Variants in CCBE1 observed in about 807,000 individuals in gnomAD.
The protein encoded by CCBE1 is collagen and calcium binding EGF domains 1.
Under a neutral mutation model 50.0 loss-of-function variants are expected in CCBE1, and 37 were observed. The observed-to-expected ratio is 0.74, with a 90% confidence interval of 0.57 to 0.97. CCBE1 has a LOEUF of 0.97. Among genes scored for constraint, CCBE1 ranks in the 50% least tolerant of loss-of-function variants. The pLI is 0.00. For synonymous variants in CCBE1, 234 were observed against 203.7 expected (o/e 1.15, Z -1.27); for missense variants, 538 against 523.8 (o/e 1.03, Z -0.26).
At chr18:59,598,306 G>A (rs561784077) in intron 2 of CCBE1, among the ~76,000 whole-genome samples, 1 of 152,300 alleles carries the variant, frequency 6.6e-6, no homozygotes, top group African/African-American at 2.4e-5. Flanking sequence ...GATACAGAAA[G>A]TCGCCCCCTC....
intron 2 of CCBE1, among the ~76,000 whole-genome samples, chr18:59,672,011 A>G (rs1269527321): frequency 6.6e-6 from 1 of 152,204 alleles, no homozygotes; most frequent in Non-Finnish European, 1.5e-5. Context: ...GACTTCAGCC[A>G]TGGACGTGGA....
chr18:59,507,414 C>T (rs1020346010), intron 2 of CCBE1, among the ~76,000 whole-genome samples: 17 of 152,362 alleles, frequency 1.1e-4, no homozygotes, highest in Middle Eastern at 6.8e-3. Context: ...GCTCTCCCAA[C>T]TTTGCCATAG....
intron 2 of CCBE1, among the ~76,000 whole-genome samples, chr18:59,678,662 A>G (rs1304532007): frequency 7.1e-6 from 1 of 139,886 alleles, no homozygotes; most frequent in Non-Finnish European, 1.5e-5. Flanking sequence ...CCTCCTGAGT[A>G]ACAGGGATTA....
At chr18:59,485,625 T>TA (rs397953559) in intron 2 of CCBE1, among the ~76,000 whole-genome samples, 3 of 150,380 alleles carry the variant, frequency 2.0e-5, no homozygotes, top group East Asian at 1.9e-4. Context: ...TTTATTTATT[T>TA]TTTGAGATGG....
chr18:59,621,280 G>A (rs892254427), intron 2 of CCBE1, among the ~76,000 whole-genome samples: 1 of 152,168 alleles, frequency 6.6e-6, no homozygotes, highest in Non-Finnish European at 1.5e-5. Context: ...TCAGCAGATG[G>A]GCAGGTGGAC....
chr18:59,547,626 A>G (rs34879026), intron 2 of CCBE1, among the ~76,000 whole-genome samples: 2,329 of 152,322 alleles, frequency 0.015, 30 homozygotes, highest in Middle Eastern at 0.075. Context: ...ACACCTGATA[A>G]AGATTTCAAC....
In CCBE1 at chr18:59,555,052, T is replaced by G. The variant is rs1599008877; in HGVS notation, c.213-74814A>C. ...CTCATTCTAACATTCATTGTATTCTTCCCCCAACAACTTGCTAGACAGGCA... is the reference window on the plus strand; with the variant it reads ...CTCATTCTAACATTCATTGTATTCTGCCCCCAACAACTTGCTAGACAGGCA... On this transcript the variant is annotated intron_variant, in intron 2 of 10. Coordinates refer to ENST00000439986, the MANE Select transcript of CCBE1 (RefSeq NM_133459.4). Among the ~76,000 whole-genome samples, 2 of 152,180 alleles carry G rather than the reference T, an allele frequency of 1.3e-5. 1 individual carries two copies. Among genetic ancestry groups the G allele is most frequent in the South Asian group, 4.1e-4 (2 of 4,828 alleles).
intron 2 of CCBE1, among the ~76,000 whole-genome samples, chr18:59,538,953 G>A (rs117894564): frequency 2.0e-5 from 3 of 152,286 alleles, no homozygotes; most frequent in East Asian, 3.9e-4. Context: ...TGAGACAGGA[G>A]GACCGCTTGA....
chr18:59,494,404 A>T (rs1373526), intron 2 of CCBE1, among the ~76,000 whole-genome samples: 2,815 of 152,302 alleles, frequency 0.018, 92 homozygotes, highest in African/African-American at 0.064. Context: ...ACCTGAACCT[A>T]ATTTAATCTG....
In CCBE1 at chr18:59,495,273, G is replaced by A. The variant is rs117323496; in HGVS notation, c.213-15035C>T. 7.0e-3 allele frequency among the ~76,000 whole-genome samples: 1,063 copies of A among 151,458 alleles called. 5 individuals are homozygous for A. Among genetic ancestry groups the A allele is most frequent in the Non-Finnish European group, 0.011 (753 of 67,960 alleles). The stretch of plus-strand genomic sequence containing the variant: ...TTTCACACTTTCATATAACAATTAC[G>A]TAACTGTGATTAACATGGTTAATCA... On this transcript the variant is annotated intron_variant, in intron 2 of 10. Transcript: ENST00000439986.
At chr18:59,462,129 A>G (rs1333655955) in intron 5 of CCBE1, among the ~76,000 whole-genome samples, 1 of 152,188 alleles carries the variant, frequency 6.6e-6, no homozygotes. Flanking sequence ...ATCCCTCATT[A>G]TAGTCACTTG....
chr18:59,620,749 T>G (rs546815985), intron 2 of CCBE1, among the ~76,000 whole-genome samples: 108 of 152,286 alleles, frequency 7.1e-4, no homozygotes, highest in African/African-American at 2.5e-3. Flanking sequence ...TGCTCTTCCT[T>G]CTTCTTCTGT....
chr18:59,605,235 ATCT>A lies in CCBE1; in HGVS notation c.212+91391_212+91393del, dbSNP rs559713013. Among the ~76,000 whole-genome samples, 691 of 152,354 alleles carry A rather than the reference ATCT, an allele frequency of 4.5e-3. 8 individuals carry two copies. The highest frequency in any genetic ancestry group is 0.016 in the African/African-American group (646 of 41,582). On this transcript the variant is annotated intron_variant, in intron 2 of 10. Transcript: ENST00000439986. The stretch of plus-strand genomic sequence containing the variant: ...TGAACTTTGATCTTTTTGATAAAAC[ATCT>A]TCTACAACATGTTTTAGGGAACAGC...
At chr18:59,660,061 C>T (rs879787360) in intron 2 of CCBE1, among the ~76,000 whole-genome samples, 1 of 152,038 alleles carries the variant, frequency 6.6e-6, no homozygotes. Flanking sequence ...AGTGGCCTCA[C>T]CAGGGCTCAG....
intron 2 of CCBE1, among the ~76,000 whole-genome samples, chr18:59,549,456 G>A (rs542219798): frequency 3.9e-5 from 6 of 152,108 alleles, no homozygotes; most frequent in South Asian, 4.1e-4. Context: ...AATTAAGAGC[G>A]TCTAATATTT....
intron 2 of CCBE1, among the ~76,000 whole-genome samples, chr18:59,599,827 T>A (rs2053407083): frequency 6.6e-6 from 1 of 152,192 alleles, no homozygotes; most frequent in Non-Finnish European, 1.5e-5. Context: ...GACTTAGGCA[T>A]TTCTAAAGTG....
chr18:59,504,201 T>C, intron 2 of CCBE1, among the ~76,000 whole-genome samples: 1 of 152,178 alleles, frequency 6.6e-6, no homozygotes, highest in Non-Finnish European at 1.5e-5. Flanking sequence ...ACAATCTCCA[T>C]GCTATAGCTT....
chr18:59,599,122 C>T (rs570279000), intron 2 of CCBE1, among the ~76,000 whole-genome samples: 42 of 152,182 alleles, frequency 2.8e-4, no homozygotes, highest in African/African-American at 7.7e-4. Context: ...TATTTTTCTC[C>T]TCCCACCGTC....
At chr18:59,447,389 G>T (rs1486618153) in intron 7 of CCBE1, among the ~76,000 whole-genome samples, 1 of 152,172 alleles carries the variant, frequency 6.6e-6, no homozygotes, top group Non-Finnish European at 1.5e-5. Flanking sequence ...TCTATATCTT[G>T]AAATATAGGA....
Sources: allele counts gnomAD v4.1 joint callset (sites outside exome capture counted in the v4.1 genomes callset), GRCh38; gene constraint gnomAD v4.1.1; transcripts MANE v1.5; gene names NCBI Gene and HGNC (gene_info 2026-07-23, HGNC 2026-07-21).